The following AIFM2 variants were observed in gnomAD, a reference collection of about 807,000 sequenced individuals.
AIFM2 encodes the protein AIF family member 2, ferroptosis suppressor.
Under a neutral mutation model 35.7 loss-of-function variants are expected in AIFM2, and 38 were observed. The observed-to-expected ratio is 1.06, with a 90% CI of 0.82 to 1.39. The LOEUF (loss-of-function observed/expected upper bound fraction) is 1.39. AIFM2 is among the 40% of genes most tolerant of loss of function. The pLI, the probability that AIFM2 is intolerant of heterozygous loss-of-function variation, is 0.00. For synonymous variants in AIFM2, 185 were observed against 203.5 expected, an observed-to-expected ratio of 0.91 and a Z score of 0.77; for missense variants, 476 against 491.2, an observed-to-expected ratio of 0.97 and a Z score of 0.29.
rs2072516601 is a variant in AIFM2 at position 70,122,158 on chromosome 10, T to G, written c.295-947A>C. Among the ~76,000 whole-genome samples the G allele has an allele frequency of 2.6e-5, 4 of 152,184 alleles. No individual in the cohort carries two copies. In the South Asian group the frequency reaches 8.3e-4, roughly 32 times the overall value. On this transcript the variant is annotated intron_variant, in intron 3 of 8. Coordinates refer to ENST00000307864, the MANE Select transcript of AIFM2 (RefSeq NM_032797.6). ...TAAACAAAGAAAAGGAAATCTTGTT[T>G]GGAGCCTAAATATATAAAGTTGACA...
chr10:70,128,247 C>A (rs2072589788), intron 1 of AIFM2, among the ~76,000 whole-genome samples: 2 of 152,266 alleles, frequency 1.3e-5, no homozygotes, highest in South Asian at 2.1e-4. Context: ...ACCTGTGTGA[C>A]ACTCCATCAA....
chr10:70,127,737 T>C (rs1370182898), intron 1 of AIFM2, among the ~76,000 whole-genome samples: 2 of 152,154 alleles, frequency 1.3e-5, no homozygotes, highest in Non-Finnish European at 2.9e-5. Context: ...AAGGGCAAAC[T>C]CTTGCCTCAC....
At chr10:70,129,241 C>T (rs2072601690) in intron 1 of AIFM2, among the ~76,000 whole-genome samples, 1 of 151,370 alleles carries the variant, frequency 6.6e-6, no homozygotes, top group South Asian at 2.1e-4. Flanking sequence ...ACTGGAATTA[C>T]AGGGGTAAGC....
Position 70,114,396 on chromosome 10 carries a change from G to A in AIFM2, c.971-67C>T, listed in dbSNP as rs541985190. Reference sequence around the variant, plus strand: ...CGCCTGGGGCTGCACCTCCCAGAGTGCCGATCCTTCCCGAGGCCTTCAGAC... The same window carrying A: ...CGCCTGGGGCTGCACCTCCCAGAGTACCGATCCTTCCCGAGGCCTTCAGAC... On this transcript the variant is annotated intron_variant, in intron 8 of 8. Coordinates refer to ENST00000307864, the MANE Select transcript of AIFM2 (RefSeq NM_032797.6). 1.9e-6 allele frequency: 3 copies of A among 1,595,970 alleles called. No individual in the cohort carries two copies. In the African/African-American group the frequency reaches 4.1e-5, roughly 22 times the overall value.
In AIFM2 at chr10:70,115,011, C is replaced by G; in HGVS notation, c.879G>C (p.Lys293Asn). Residue 293 changes from lysine to asparagine, a missense_variant, in exon 8 of 9, where the codon AAG becomes AAC. Physicochemically the swap from Lys to Asn is moderately conservative, Grantham distance 94. Coordinates refer to ENST00000307864, the MANE Select transcript of AIFM2 (RefSeq NM_032797.6). The stretch of plus-strand genomic sequence containing the variant: ...CGTGGAGGCCGGCAAGATAGGCCAT[C>G]TTGGGCGTCCTCACGTCGGCACAGT... ...IGDCADVRTP[K>N]MAYLAGLHAN... 1 of 1,614,222 alleles carries G rather than the reference C, an allele frequency of 6.2e-7. No individual in the cohort carries two copies. The highest frequency in any genetic ancestry group is 8.5e-7 in the Non-Finnish European group (1 of 1,180,032).
At chr10:70,115,742 G>A (rs915918478) in intron 7 of AIFM2, among the ~76,000 whole-genome samples, 1 of 152,140 alleles carries the variant, frequency 6.6e-6, no homozygotes, top group Non-Finnish European at 1.5e-5. Flanking sequence ...CTCCAGCCTG[G>A]ATGACAGAGC....
At position 70,116,925 on chromosome 10, in the gene AIFM2, C is replaced by T. The variant is rs569351541; in HGVS notation, c.617-151G>A. ...CTGTCTTCCCACCATGCCCCTCCCT[C>T]AGTCCACTCTATGCCCCACAAAGCT... On this transcript the variant is annotated intron_variant, in intron 6 of 8. Transcript: ENST00000307864. The T allele has an allele frequency of 3.3e-6, 3 of 903,994 alleles. No individual in the cohort carries two copies. The African/African-American group carries it at 5.0e-5, about 15-fold the overall frequency. 56.0% of individuals were successfully genotyped at this position (903,994 alleles called of 1,614,324 possible).
rs2072417036 is a variant in AIFM2 at position 70,114,820 on chromosome 10, A to G, written c.970+100T>C. ...GGATGTTTCCATCACCAGCTTGGAGAGTTTGTTCTAGTGGCCAGGTATGGG... is the reference window on the plus strand; with the variant it reads ...GGATGTTTCCATCACCAGCTTGGAGGGTTTGTTCTAGTGGCCAGGTATGGG... On this transcript the variant is annotated intron_variant, in intron 8 of 8. Coordinates refer to ENST00000307864, the MANE Select transcript of AIFM2 (RefSeq NM_032797.6). The G allele has an allele frequency of 2.7e-5, 36 of 1,354,818 alleles. No individual in the cohort carries two copies. The South Asian group carries it at 4.4e-4, about 16-fold the overall frequency. The allele number at this position is 1,354,818 out of a possible 1,614,324, so 83.9% of individuals were successfully genotyped here.
chr10:70,114,786 G>T, intron 8 of AIFM2, 134 bp downstream of exon 8: 1 of 1,159,168 alleles, frequency 8.6e-7, no homozygotes, highest in Non-Finnish European at 1.2e-6. Context: ...TTTTTAAAGA[G>T]CTCTAAGGGG....
rs768043280 is a variant in AIFM2, at chr10:70,114,142, C to T, written c.*36G>A. 1.6e-5 allele frequency: 26 copies of T among 1,595,774 alleles called. 1 individual carries two copies. The South Asian group carries it at 2.6e-4, about 16-fold the overall frequency. The stretch of plus-strand genomic sequence containing the variant: ...CCATGCGCCAAGCAGTCCGTACGCC[C>T]ACCTGCTGCGGTAGTTCTCCCGCCT... On this transcript the variant is annotated 3_prime_UTR_variant, in exon 9 of 9. Coordinates refer to ENST00000307864, the MANE Select transcript of AIFM2 (RefSeq NM_032797.6).
Position 70,114,076 on chromosome 10 carries a change from C to G in AIFM2, c.*102G>C. On this transcript the variant is annotated 3_prime_UTR_variant, in exon 9 of 9. Transcript: ENST00000307864. ...GCCACCACATCATTGGCATCTTATTCCAGAAGAATAGCATTAGTTCTAGCA... is the reference window on the plus strand; with the variant it reads ...GCCACCACATCATTGGCATCTTATTGCAGAAGAATAGCATTAGTTCTAGCA... The G allele has an allele frequency of 7.1e-7, 1 of 1,414,182 alleles. No homozygotes were observed. Among genetic ancestry groups the G allele is most frequent in the African/African-American group, 1.4e-5 (1 of 69,366 alleles). 87.6% of individuals were successfully genotyped at this position (1,414,182 alleles called of 1,614,324 possible). A position where few individuals can be genotyped will look rare whatever the true frequency, so the allele number is the denominator to read the frequency against.
intron 4 of AIFM2, 23 bp downstream of exon 4, chr10:70,121,069 C>T: frequency 6.2e-7 from 1 of 1,605,798 alleles, no homozygotes; most frequent in African/African-American, 1.3e-5. Flanking sequence ...CACACTGCCC[C>T]ATGCCTTCAG....
intron 3 of AIFM2, 51 bp downstream of exon 3, chr10:70,123,354 C>A (rs1393346866): frequency 6.6e-7 from 1 of 1,516,098 alleles, no homozygotes. Flanking sequence ...CCCGCCCAGG[C>A]CCTGCAGAGG....
chr10:70,127,116 A>G (rs2072575650), intron 1 of AIFM2, among the ~76,000 whole-genome samples: 1 of 152,204 alleles, frequency 6.6e-6, no homozygotes, highest in Non-Finnish European at 1.5e-5. Context: ...AGGGCCTGAG[A>G]ATGTAGGCAG....
chr10:70,123,885 G>A, intron 2 of AIFM2, 22 bp downstream of exon 2: 1 of 1,529,294 alleles, frequency 6.5e-7, no homozygotes, highest in Admixed American at 2.0e-5. Flanking sequence ...CACAGAGACA[G>A]CCCCAGACGG....
At chr10:70,123,632 A>C in intron 2 of AIFM2, 112 bp from the exon 3 acceptor site, 4 of 996,770 alleles carry the variant, frequency 4.0e-6, no homozygotes, top group Non-Finnish European at 6.1e-6. Context: ...CCCTTGACCA[A>C]AGCGTCGGGC....
At chr10:70,120,465 A>C (rs755854380) in intron 5 of AIFM2, 42 bp downstream of exon 5, 2 of 1,605,338 alleles carry the variant, frequency 1.2e-6, no homozygotes, top group Non-Finnish European at 1.7e-6. Context: ...TGCAGAAAAA[A>C]GCCAACCACT....
chr10:70,120,565 C>T lies in AIFM2; in HGVS notation c.449G>A (p.Gly150Glu). 5.0e-6 allele frequency: 8 copies of T among 1,614,142 alleles called. No homozygotes were observed. The highest frequency in any genetic ancestry group is 6.8e-6 in the Non-Finnish European group (8 of 1,180,032). The change falls in exon 5 of 9, where the codon GGA becomes GAA. Residue 150 changes from glycine to glutamate, a missense_variant. Gly to Glu is a moderately conservative substitution (Grantham distance 98). Transcript: ENST00000307864. Reference protein sequence around the residue: ...QRSRFIVVVGGGSAGVEMAAE... With the variant: ...QRSRFIVVVGEGSAGVEMAAE... Reference sequence around the variant, plus strand: ...TGCCATCTCCACTCCAGCCGAGCCTCCTCCCACCACCACGATGAACCGTGA... The same window carrying T: ...TGCCATCTCCACTCCAGCCGAGCCTTCTCCCACCACCACGATGAACCGTGA...
Position 70,116,700 on chromosome 10 carries a change from C to T in AIFM2, c.691G>A (p.Gly231Ser). Residue 231 changes from glycine to serine, a missense_variant, in exon 7 of 9, where the codon GGC becomes AGC. Gly to Ser is a moderately conservative substitution (Grantham distance 56). Transcript: ENST00000307864. ...REYIKVQTDK[G>S]TEVATNLVIL... ...ACCAGGTTGGTGGCCACCTCTGTGC[C>T]TTTGTCCGTCTGCACTTTGATGTAC... 5.0e-6 allele frequency: 8 copies of T among 1,614,194 alleles called. No individual in the cohort carries two copies. The highest frequency in any genetic ancestry group is 1.1e-5 in the South Asian group (1 of 91,076).
Sources: gnomAD v4.1 joint callset for allele counts (sites outside exome capture counted in the v4.1 genomes callset) on GRCh38, gnomAD v4.1.1 for gene constraint, MANE v1.5 for transcripts, NCBI Gene and HGNC (gene_info 2026-07-23, HGNC 2026-07-21) for gene names.